The following SEMA6D variants were observed in gnomAD, a reference collection of about 807,000 sequenced individuals.
SEMA6D encodes the protein semaphorin-6D.
Under a neutral mutation model 106.6 loss-of-function variants are expected in SEMA6D, and 35 were observed. The observed-to-expected ratio is 0.33, with a 90% CI of 0.25 to 0.44. The LOEUF is 0.44. Among genes scored for constraint, SEMA6D ranks in the 20% least tolerant of loss-of-function variants. The probability of loss-of-function intolerance (pLI) is 1.00; values close to 1 mark genes in which losing one functional copy is unlikely to be tolerated. For synonymous variants in SEMA6D, 499 were observed against 487.7 expected (o/e 1.02, Z -0.31); for missense variants, 1,185 against 1,345.9 (o/e 0.88, Z 1.87).
chr15:47,558,078 C>T (rs2045966806), intron 3 of SEMA6D, among the ~76,000 whole-genome samples: 2 of 152,082 alleles, frequency 1.3e-5, no homozygotes, highest in Non-Finnish European at 2.9e-5. Flanking sequence ...CATTACTGGA[C>T]ACATCATTTC....
intron 1 of SEMA6D, among the ~76,000 whole-genome samples, chr15:47,734,014 C>T (rs900423266): frequency 6.6e-6 from 1 of 152,180 alleles, no homozygotes; most frequent in Admixed American, 6.5e-5. Context: ...CATGTACACA[C>T]GGCCACTCAC....
At chr15:47,465,466 T>C (rs2042630916) in intron 2 of SEMA6D, among the ~76,000 whole-genome samples, 1 of 152,210 alleles carries the variant, frequency 6.6e-6, no homozygotes, top group African/African-American at 2.4e-5. Flanking sequence ...GAAAGGTTTC[T>C]GACTTTATGT....
chr15:47,677,803 T>C (rs754743401), intron 4 of SEMA6D, among the ~76,000 whole-genome samples: 9 of 152,148 alleles, frequency 5.9e-5, no homozygotes, highest in Non-Finnish European at 1.2e-4. Flanking sequence ...CATAAAGTCA[T>C]ATGAAAGGAA....
intron 1 of SEMA6D, among the ~76,000 whole-genome samples, chr15:47,247,708 A>C (rs1278966477): frequency 6.6e-6 from 1 of 152,148 alleles, no homozygotes; most frequent in Non-Finnish European, 1.5e-5. Context: ...TCCAGTTCCC[A>C]AACTTCTAGT....
intron 2 of SEMA6D, among the ~76,000 whole-genome samples, chr15:47,443,960 T>G (rs1481957205): frequency 6.6e-6 from 1 of 152,136 alleles, no homozygotes; most frequent in Non-Finnish European, 1.5e-5. Context: ...ATAATAATGA[T>G]AAACAAATTG....
chr15:47,297,467 A>T (rs2035850571), intron 1 of SEMA6D, among the ~76,000 whole-genome samples: 1 of 152,168 alleles, frequency 6.6e-6, no homozygotes, highest in Admixed American at 6.5e-5. Flanking sequence ...AAAAATGTTC[A>T]TAAAGAGATC....
chr15:47,769,427 A>G (rs939533707), intron 18 of SEMA6D, among the ~76,000 whole-genome samples: 1 of 152,090 alleles, frequency 6.6e-6, no homozygotes, highest in Non-Finnish European at 1.5e-5. Context: ...TTTTCATTTT[A>G]TATGTTTTCG....
At chr15:47,701,955 T>C (rs17328497) in intron 4 of SEMA6D, among the ~76,000 whole-genome samples, 46,169 of 152,188 alleles carry the variant, frequency 0.3, 8,651 homozygotes, top group Middle Eastern at 0.45. Flanking sequence ...GGTTCTATAG[T>C]AGACAGAAAA....
intron 1 of SEMA6D, among the ~76,000 whole-genome samples, chr15:47,331,949 G>T (rs1166348519): frequency 6.6e-6 from 1 of 152,100 alleles, no homozygotes; most frequent in African/African-American, 2.4e-5. Context: ...ACATGGTCTT[G>T]GAATGAAGAG....
At chr15:47,338,588 C>T (rs1036857246) in intron 1 of SEMA6D, among the ~76,000 whole-genome samples, 6 of 152,128 alleles carry the variant, frequency 3.9e-5, no homozygotes, top group African/African-American at 1.2e-4. Flanking sequence ...GGCCTGCAAA[C>T]CTGAGTAGCC....
chr15:47,684,205 GT>G (rs1398398630), intron 4 of SEMA6D, among the ~76,000 whole-genome samples: 1 of 151,816 alleles, frequency 6.6e-6, no homozygotes, highest in African/African-American at 2.4e-5. Flanking sequence ...GGATTATGCA[GT>G]TTTATGGAAT....
chr15:47,548,856 T>C (rs1161538724), intron 3 of SEMA6D, among the ~76,000 whole-genome samples: 2 of 152,194 alleles, frequency 1.3e-5, no homozygotes, highest in African/African-American at 4.8e-5. Flanking sequence ...CAGGAAGTTA[T>C]GATACCATAT....
At chr15:47,237,344 T>G (rs1020141101) in intron 1 of SEMA6D, among the ~76,000 whole-genome samples, 11 of 152,154 alleles carry the variant, frequency 7.2e-5, no homozygotes, top group African/African-American at 2.7e-4. Flanking sequence ...ATGATCACAC[T>G]GTGATTTTAG....
At chr15:47,615,434 T>A (rs2076989709) in intron 4 of SEMA6D, among the ~76,000 whole-genome samples, 1 of 152,090 alleles carries the variant, frequency 6.6e-6, no homozygotes, top group Non-Finnish European at 1.5e-5. Context: ...CTTCCATGAC[T>A]CTAGTTTTCT....
At chr15:47,581,486 A>G (rs1850187625) in intron 3 of SEMA6D, 1 of 401,154 alleles carries the variant, frequency 2.5e-6, no homozygotes, top group South Asian at 2.0e-5. Flanking sequence ...TGGCGTAGCC[A>G]AGGAGGCCTC....
At chr15:47,551,777 G>A (rs1398572642) in intron 3 of SEMA6D, among the ~76,000 whole-genome samples, 2 of 150,742 alleles carry the variant, frequency 1.3e-5, no homozygotes, top group Non-Finnish European at 2.9e-5. Flanking sequence ...CTTCAACCAG[G>A]GCCAGAGATT....
At chr15:47,730,594 G>A (rs1477471291) in intron 1 of SEMA6D, 5 of 1,542,270 alleles carry the variant, frequency 3.2e-6, no homozygotes, top group East Asian at 2.3e-5. Flanking sequence ...TCTCGGCCCA[G>A]GCCAACAGTC....
At chr15:47,227,160 A>G (rs1027379684) in intron 1 of SEMA6D, among the ~76,000 whole-genome samples, 3 of 152,098 alleles carry the variant, frequency 2.0e-5, no homozygotes, top group Admixed American at 6.6e-5. Flanking sequence ...GTATTATGAA[A>G]GTACAATATG....
intron 4 of SEMA6D, among the ~76,000 whole-genome samples, chr15:47,697,247 C>G (rs1480445407): frequency 6.6e-6 from 1 of 152,152 alleles, no homozygotes; most frequent in African/African-American, 2.4e-5. Flanking sequence ...GAATGTCTCT[C>G]TTCACTGCCA....
Sources: gnomAD v4.1 joint callset for allele counts (sites outside exome capture counted in the v4.1 genomes callset) on GRCh38, gnomAD v4.1.1 for gene constraint, MANE v1.5 for transcripts, NCBI Gene and HGNC (gene_info 2026-07-23, HGNC 2026-07-21) for gene names.